Variants in ENTHD1 observed in about 807,000 individuals in gnomAD.
ENTHD1 encodes ENTH domain containing 1.
Under a neutral mutation model 39.1 loss-of-function variants are expected in ENTHD1, and 23 were observed. The ratio of observed to expected loss-of-function variants is 0.59; its 90% CI spans 0.42 to 0.83. The LOEUF (loss-of-function observed/expected upper bound fraction) is 0.83, where lower values mean the gene tolerates loss of function less well. ENTHD1 is among the 40% of genes least tolerant of loss of function. The probability of loss-of-function intolerance (pLI) is 0.00; values close to 1 mark genes in which losing one functional copy is unlikely to be tolerated. For missense variants in ENTHD1, 624 were observed against 705.4 expected (o/e 0.88, Z 1.31); for synonymous variants, 230 against 258.2 (o/e 0.89, Z 1.05).
At chr22:39,847,039 A>T (rs2065994357) in intron 3 of ENTHD1, among the ~76,000 whole-genome samples, 1 of 152,112 alleles carries the variant, frequency 6.6e-6, no homozygotes, top group Admixed American at 6.5e-5. Flanking sequence ...CCATCCCATT[A>T]CTGGGTATAT....
At chr22:39,892,269 C>T (rs958436285) in intron 1 of ENTHD1, among the ~76,000 whole-genome samples, 2 of 152,194 alleles carry the variant, frequency 1.3e-5, no homozygotes, top group Non-Finnish European at 2.9e-5. Context: ...AATGCTGTTT[C>T]CTTCCCCCCA....
chr22:39,763,244 A>G (rs916353053), intron 6 of ENTHD1, among the ~76,000 whole-genome samples: 7 of 152,134 alleles, frequency 4.6e-5, no homozygotes, highest in Non-Finnish European at 8.8e-5. Context: ...GTTTCCTTGT[A>G]TCATCAGAAT....
intron 5 of ENTHD1, among the ~76,000 whole-genome samples, chr22:39,766,754 T>C (rs1601580170): frequency 6.6e-6 from 1 of 152,328 alleles, no homozygotes; most frequent in Non-Finnish European, 1.5e-5. Context: ...TTTGTCTCTA[T>C]AAAGCTTCCT....
rs556551297 is a variant in ENTHD1, at chr22:39,867,094, G to A, written c.350-5087C>T. On this transcript the variant is annotated intron_variant, in intron 2 of 6. Transcript: ENST00000325157. The surrounding 1 kb of genome is among the most constrained non-coding windows in gnomAD (Gnocchi z 4.5). ...ATTTTTTTGCATTTTTAGTAGAGAC[G>A]GGGTTTCACCGTGTTAGCCAGGATG... 2.6e-5 allele frequency among the ~76,000 whole-genome samples: 4 copies of A among 151,940 alleles called. No homozygotes were observed. Among genetic ancestry groups the A allele is most frequent in the South Asian group, 2.1e-4 (1 of 4,804 alleles).
chr22:39,761,918 T>C (rs922337860), intron 6 of ENTHD1, among the ~76,000 whole-genome samples: 13 of 152,196 alleles, frequency 8.5e-5, no homozygotes, highest in Non-Finnish European at 1.8e-4. Flanking sequence ...TAAGGGTCAG[T>C]TTCTACTGAC....
At chr22:39,886,209 A>G (rs1398720031) in intron 2 of ENTHD1, among the ~76,000 whole-genome samples, 1 of 152,176 alleles carries the variant, frequency 6.6e-6, no homozygotes, top group African/African-American at 2.4e-5. Flanking sequence ...CTGAAAAGAC[A>G]AAACTATAGA....
intron 3 of ENTHD1, among the ~76,000 whole-genome samples, chr22:39,851,161 A>G (rs984895591): frequency 6.6e-6 from 1 of 152,314 alleles, no homozygotes; most frequent in African/African-American, 2.4e-5. Flanking sequence ...CACTGTCGTC[A>G]GGCTTCTACT....
intron 6 of ENTHD1, among the ~76,000 whole-genome samples, chr22:39,749,366 T>C (rs1342937318): frequency 6.6e-6 from 1 of 152,256 alleles, no homozygotes; most frequent in Non-Finnish European, 1.5e-5. Flanking sequence ...TTGGGCTTGC[T>C]TGAAGATAGC....
chr22:39,829,014 C>T (rs2065846589), intron 4 of ENTHD1, among the ~76,000 whole-genome samples: 1 of 152,148 alleles, frequency 6.6e-6, no homozygotes, highest in African/African-American at 2.4e-5. Context: ...TTAAGCGCCC[C>T]TCATTCTGCC....
chr22:39,872,800 A>G (rs1196188471), intron 2 of ENTHD1, among the ~76,000 whole-genome samples: 1 of 152,024 alleles, frequency 6.6e-6, no homozygotes, highest in Non-Finnish European at 1.5e-5. Flanking sequence ...GAAAATGAAA[A>G]GCTACAATGG....
intron 5 of ENTHD1, among the ~76,000 whole-genome samples, chr22:39,816,206 A>G (rs140883698): frequency 2.0e-4 from 31 of 152,364 alleles, no homozygotes; most frequent in African/African-American, 7.2e-4. Context: ...TGCCAAAATC[A>G]TAACATGGAA....
intron 2 of ENTHD1, among the ~76,000 whole-genome samples, chr22:39,871,579 G>C (rs1354042295): frequency 6.6e-6 from 1 of 152,176 alleles, no homozygotes; most frequent in Non-Finnish European, 1.5e-5. Flanking sequence ...TAGTTCTGTT[G>C]ACACAGCACT....
intron 2 of ENTHD1, among the ~76,000 whole-genome samples, chr22:39,863,514 G>T (rs1410261531): frequency 6.6e-6 from 1 of 152,166 alleles, no homozygotes; most frequent in Non-Finnish European, 1.5e-5. Context: ...TATCTGTATG[G>T]TTGAATTCCC....
At chr22:39,757,485 T>C (rs1336397760) in intron 6 of ENTHD1, among the ~76,000 whole-genome samples, 1 of 152,058 alleles carries the variant, frequency 6.6e-6, no homozygotes, top group African/African-American at 2.4e-5. Context: ...TCGACCAGCC[T>C]GGTCAACATG....
At chr22:39,868,708 A>G (rs1012323987) in intron 2 of ENTHD1, among the ~76,000 whole-genome samples, 4 of 152,224 alleles carry the variant, frequency 2.6e-5, no homozygotes, top group African/African-American at 9.6e-5. Flanking sequence ...GGGAGAAAAT[A>G]TTCATAAACT....
rs1264258112 is a variant in ENTHD1, at chr22:39,760,808, C to T, written c.1219+4415G>A. ...AGCGTAATTAAATATGCATGCTTAA[C>T]TTATCGTGAGTTAATCATAGTTAAT... On this transcript the variant is annotated intron_variant, in intron 6 of 6. Transcript: ENST00000325157. 2.6e-5 allele frequency among the ~76,000 whole-genome samples: 4 copies of T among 152,000 alleles called. No homozygotes were observed. The South Asian group carries it at 6.2e-4, about 24-fold the overall frequency.
In ENTHD1 at chr22:39,743,766, G is replaced by A; in HGVS notation, c.1737C>T (p.Ile579=). 3 of 1,614,124 alleles carry A rather than the reference G, an allele frequency of 1.9e-6. No individual in the cohort carries two copies. The highest frequency in any genetic ancestry group is 2.5e-6 in the Non-Finnish European group (3 of 1,179,990). Reference sequence around the variant, plus strand: ...AACTATTCAGACTCATGCTCATCAAGATGTTATTGATGACATTAAGTTCTT... The same window carrying A: ...AACTATTCAGACTCATGCTCATCAAAATGTTATTGATGACATTAAGTTCTT... ...VIQELNVINN[I]LMSMSLNSSQ... is the part of the protein sequence containing the mutation. The change falls in exon 7 of 7, where the codon ATC becomes ATT. Residue 579 remains isoleucine, a synonymous_variant. Transcript: ENST00000325157.
chr22:39,825,256 CT>C (rs572721256), intron 4 of ENTHD1, among the ~76,000 whole-genome samples: 4 of 152,020 alleles, frequency 2.6e-5, no homozygotes, highest in Non-Finnish European at 5.9e-5. Flanking sequence ...ATGGTATTGT[CT>C]TAATTTAAGT....
intron 5 of ENTHD1, among the ~76,000 whole-genome samples, chr22:39,786,099 C>T (rs2065455372): frequency 6.6e-6 from 1 of 152,128 alleles, no homozygotes; most frequent in Admixed American, 6.6e-5. Context: ...GGTTCAGAAA[C>T]CTCCTTTCTA....
Sources: gnomAD v4.1 joint callset for allele counts (sites outside exome capture counted in the v4.1 genomes callset) on GRCh38, gnomAD v4.1.1 for gene constraint, Gnocchi (gnomAD v3.1) non-coding constraint, MANE v1.5 for transcripts, NCBI Gene and HGNC (gene_info 2026-07-23, HGNC 2026-07-21) for gene names.